CCDC102B: variants seen among roughly 807,000 people sequenced by gnomAD.
CCDC102B encodes coiled-coil domain containing 102B.
CCDC102B carries 75 observed loss-of-function variants against 57.4 expected under a neutral mutation model. The ratio of observed to expected loss-of-function variants is 1.31; its 90% CI spans 1.08 to 1.58. CCDC102B has a LOEUF of 1.58. CCDC102B is among the 40% of genes most tolerant of loss of function. The pLI, the probability that CCDC102B is intolerant of heterozygous loss-of-function variation, is 0.00. For missense variants in CCDC102B, 636 were observed against 582.6 expected, an observed-to-expected ratio of 1.09 and a Z score of -0.94; for synonymous variants, 206 against 201.9, an observed-to-expected ratio of 1.02 and a Z score of -0.17.
At chr18:68,905,587 CCT>C (rs2040599494) in intron 6 of CCDC102B, among the ~76,000 whole-genome samples, 1 of 2,516 alleles carries the variant, frequency 4.0e-4, no homozygotes, top group Non-Finnish European at 9.4e-4. Flanking sequence ...ATGGGACCGC[CCT>C]GTCTAGCCCT....
intron 1 of CCDC102B, among the ~76,000 whole-genome samples, chr18:68,808,407 TG>T (rs1239884051): frequency 6.6e-6 from 1 of 151,902 alleles, no homozygotes; most frequent in Non-Finnish European, 1.5e-5. Flanking sequence ...TTCTCTTTGT[TG>T]CATAATAAAA....
At chr18:68,986,060 T>C (rs1380859562) in intron 6 of CCDC102B, among the ~76,000 whole-genome samples, 1 of 152,044 alleles carries the variant, frequency 6.6e-6, no homozygotes, top group Non-Finnish European at 1.5e-5. Flanking sequence ...ACATATTATT[T>C]ATCTTCAAAA....
At chr18:68,875,082 G>C (rs1436135038) in intron 5 of CCDC102B, 1 of 182,644 alleles carries the variant, frequency 5.5e-6, no homozygotes, top group Non-Finnish European at 1.1e-5. Flanking sequence ...CCAGCTGCTG[G>C]ATCATGTGTG....
At chr18:68,831,198 A>C (rs1414730144) in intron 1 of CCDC102B, among the ~76,000 whole-genome samples, 4 of 152,084 alleles carry the variant, frequency 2.6e-5, no homozygotes, top group Admixed American at 2.6e-4. Flanking sequence ...TATCTTAGAA[A>C]CGTAATATTT....
intron 2 of CCDC102B, among the ~76,000 whole-genome samples, chr18:68,784,231 G>T (rs1214697292): frequency 3.9e-5 from 6 of 152,068 alleles, no homozygotes; most frequent in Non-Finnish European, 8.8e-5. Flanking sequence ...TTTGTAGGGG[G>T]CAGCGCTCAG....
intron 7 of CCDC102B, among the ~76,000 whole-genome samples, chr18:69,020,688 G>T (rs12605764): frequency 0.036 from 5,457 of 152,190 alleles, 141 homozygotes; most frequent in East Asian, 0.12. Context: ...TGTCAGAACT[G>T]ACAGTCTAAT....
intron 6 of CCDC102B, among the ~76,000 whole-genome samples, chr18:68,969,927 A>T (rs1010883904): frequency 1.3e-5 from 2 of 152,046 alleles, no homozygotes; most frequent in African/African-American, 4.8e-5. Context: ...AATATTTTGT[A>T]TTTATATATA....
At chr18:68,735,696 G>C (rs1403198234) in intron 2 of CCDC102B, among the ~76,000 whole-genome samples, 1 of 152,078 alleles carries the variant, frequency 6.6e-6, no homozygotes, top group Non-Finnish European at 1.5e-5. Flanking sequence ...TTCTTACCAG[G>C]TGTCCTCATC....
At chr18:69,051,690 G>A (rs973284210) in intron 7 of CCDC102B, among the ~76,000 whole-genome samples, 4 of 151,674 alleles carry the variant, frequency 2.6e-5, no homozygotes, top group African/African-American at 9.7e-5. Flanking sequence ...TCAAAAAAAG[G>A]GTTTGCTATC....
At chr18:68,873,294 G>A (rs2039307619) in intron 4 of CCDC102B, among the ~76,000 whole-genome samples, 1 of 152,078 alleles carries the variant, frequency 6.6e-6, no homozygotes. Context: ...GAGTCTTTCT[G>A]TAGTGTTTTG....
chr18:68,779,958 T>C (rs2034951255), intron 2 of CCDC102B, among the ~76,000 whole-genome samples: 1 of 152,120 alleles, frequency 6.6e-6, no homozygotes, highest in Non-Finnish European at 1.5e-5. Context: ...AGAACACTTT[T>C]ATCAACCAAG....
chr18:68,793,013 T>C (rs552384409), intron 2 of CCDC102B, among the ~76,000 whole-genome samples: 3 of 152,332 alleles, frequency 2.0e-5, no homozygotes, highest in East Asian at 1.9e-4. Context: ...TTTGGACTTA[T>C]GTGACTGTAT....
At chr18:68,818,370 T>C (rs2036570631) in intron 1 of CCDC102B, among the ~76,000 whole-genome samples, 1 of 152,224 alleles carries the variant, frequency 6.6e-6, no homozygotes, top group Non-Finnish European at 1.5e-5. Context: ...AATTGGCTGC[T>C]TTCTGATTAG....
chr18:68,884,587 C>T (rs1001432751), intron 5 of CCDC102B, among the ~76,000 whole-genome samples: 8 of 81,808 alleles, frequency 9.8e-5, no homozygotes, highest in African/African-American at 2.7e-4. Flanking sequence ...TACAAATACA[C>T]ACACACACAC....
intron 2 of CCDC102B, among the ~76,000 whole-genome samples, chr18:68,758,966 T>C (rs1368128479): frequency 7.4e-6 from 1 of 135,102 alleles, no homozygotes; most frequent in South Asian, 2.3e-4. Context: ...ATGGATGAAA[T>C]GATCTTTCAA....
At chr18:68,931,472 T>TG (rs1331962738) in intron 6 of CCDC102B, among the ~76,000 whole-genome samples, 1 of 151,610 alleles carries the variant, frequency 6.6e-6, no homozygotes, top group African/African-American at 2.4e-5. Flanking sequence ...CCATATCATC[T>TG]GGGGGTGAAG....
chr18:68,965,513 G>C (rs2050145988), intron 6 of CCDC102B, among the ~76,000 whole-genome samples: 1 of 150,954 alleles, frequency 6.6e-6, no homozygotes, highest in African/African-American at 2.4e-5. Flanking sequence ...GTTTTGTGAT[G>C]GCTTCTTTAA....
chr18:68,941,033 A>AAAATTCTG, intron 6 of CCDC102B, among the ~76,000 whole-genome samples: 1 of 151,870 alleles, frequency 6.6e-6, no homozygotes, highest in Middle Eastern at 3.4e-3. Context: ...ATTTAACCTA[A>AAAATTCTG]AAATTCTGAA....
intron 4 of CCDC102B, among the ~76,000 whole-genome samples, chr18:68,867,517 C>T (rs2039046749): frequency 6.6e-6 from 1 of 152,156 alleles, no homozygotes; most frequent in Admixed American, 6.5e-5. Context: ...CTGTGGGTTG[C>T]TGGCCTAAAG....
Sources: gnomAD v4.1 joint callset for allele counts (sites outside exome capture counted in the v4.1 genomes callset) on GRCh38, gnomAD v4.1.1 for gene constraint, MANE v1.5 for transcripts, NCBI Gene and HGNC (gene_info 2026-07-23, HGNC 2026-07-21) for gene names.